ROR1: variants seen among roughly 807,000 people sequenced by gnomAD.
ROR1 encodes the protein inactive tyrosine-protein kinase transmembrane receptor ROR1.
ROR1 carries 19 observed loss-of-function variants against 78.8 expected under a neutral mutation model. The observed-to-expected ratio is 0.24, with a 90% confidence interval of 0.17 to 0.35. The LOEUF (loss-of-function observed/expected upper bound fraction) is 0.35. Ranked by LOEUF, ROR1 falls within the 10% of genes least tolerant of loss-of-function variation. ROR1 has a pLI of 1.00. For synonymous variants in ROR1, 386 were observed against 433.6 expected, an observed-to-expected ratio of 0.89 and a Z score of 1.36; for missense variants, 917 against 1,177.8, an observed-to-expected ratio of 0.78 and a Z score of 3.24.
At chr1:64,165,911 T>C (rs1650073702) in intron 8 of ROR1, among the ~76,000 whole-genome samples, 2 of 151,976 alleles carry the variant, frequency 1.3e-5, no homozygotes, top group Non-Finnish European at 2.9e-5. Context: ...TTGCCATATT[T>C]CCCAGGCTGG....
At chr1:64,069,601 A>G (rs1021902511) in intron 4 of ROR1, among the ~76,000 whole-genome samples, 1 of 152,126 alleles carries the variant, frequency 6.6e-6, no homozygotes, top group African/African-American at 2.4e-5. Flanking sequence ...TAAATTGCAA[A>G]AAGAAACACC....
intron 1 of ROR1, among the ~76,000 whole-genome samples, chr1:63,948,869 G>C (rs565248627): frequency 2.1e-4 from 32 of 152,274 alleles, no homozygotes; most frequent in Non-Finnish European, 4.0e-4. Flanking sequence ...CTGGTGCCTT[G>C]ATCTTAGACT....
At chr1:64,170,939 G>A (rs1386146441) in intron 8 of ROR1, among the ~76,000 whole-genome samples, 1 of 152,132 alleles carries the variant, frequency 6.6e-6, no homozygotes, top group Admixed American at 6.5e-5. Context: ...GGATTTCATT[G>A]TCCTTATCAT....
intron 4 of ROR1, among the ~76,000 whole-genome samples, chr1:64,120,423 T>G (rs538191044): frequency 6.6e-5 from 10 of 152,354 alleles, no homozygotes; most frequent in Admixed American, 2.6e-4. Context: ...GTAATTTTAA[T>G]AAGCTATTTT....
At chr1:64,159,417 G>T (rs777206089) in intron 8 of ROR1, among the ~76,000 whole-genome samples, 16 of 152,086 alleles carry the variant, frequency 1.1e-4, no homozygotes, top group Non-Finnish European at 2.1e-4. Context: ...TCACTGCCTT[G>T]CCATAGAGTC....
chr1:64,171,589 G>A (rs903156280), intron 8 of ROR1, among the ~76,000 whole-genome samples: 21 of 152,344 alleles, frequency 1.4e-4, no homozygotes, highest in Admixed American at 1.3e-3. Flanking sequence ...GCAGCAGTCA[G>A]TCTTGGGACA....
intron 4 of ROR1, among the ~76,000 whole-genome samples, chr1:64,123,944 AT>A (rs1648628560): frequency 6.6e-6 from 1 of 152,194 alleles, no homozygotes; most frequent in Non-Finnish European, 1.5e-5. Flanking sequence ...TTATCTCAAC[AT>A]TTTTATAAAT....
intron 2 of ROR1, among the ~76,000 whole-genome samples, chr1:64,011,874 G>A (rs1430022873): frequency 2.0e-5 from 3 of 152,166 alleles, no homozygotes; most frequent in Admixed American, 2.0e-4. Flanking sequence ...AGATAAACCA[G>A]GCAAAGGCCC....
intron 1 of ROR1, among the ~76,000 whole-genome samples, chr1:63,860,641 A>G (rs1193725493): frequency 2.7e-5 from 4 of 150,406 alleles, no homozygotes; most frequent in Non-Finnish European, 4.4e-5. Flanking sequence ...TGGTGGCACG[A>G]GCCTGTAATC....
At chr1:63,950,424 G>A (rs574697691) in intron 1 of ROR1, among the ~76,000 whole-genome samples, 15 of 152,268 alleles carry the variant, frequency 9.9e-5, no homozygotes, top group Admixed American at 9.8e-4. Flanking sequence ...GGTGCTGGTG[G>A]GAGTTTAAGT....
chr1:64,128,543 G>A (rs543524677), intron 4 of ROR1, among the ~76,000 whole-genome samples: 78 of 152,224 alleles, frequency 5.1e-4, no homozygotes, highest in Non-Finnish European at 8.4e-4. Flanking sequence ...ACACATTTCA[G>A]ATTGCTAGAG....
chr1:63,789,675 T>C (rs1644713404), intron 1 of ROR1, among the ~76,000 whole-genome samples: 1 of 97,238 alleles, frequency 1.0e-5, no homozygotes, highest in Admixed American at 9.5e-5. Context: ...CTTCCTCTCC[T>C]TTTTTTTTTT....
intron 1 of ROR1, among the ~76,000 whole-genome samples, chr1:63,799,654 T>C (rs1317282728): frequency 6.7e-6 from 1 of 149,890 alleles, no homozygotes; most frequent in Non-Finnish European, 1.5e-5. Flanking sequence ...TTTTTTTTTT[T>C]GTTTTTAAAC....
chr1:64,153,131 T>G (rs2100724022), intron 7 of ROR1, among the ~76,000 whole-genome samples: 1 of 152,270 alleles, frequency 6.6e-6, no homozygotes, highest in South Asian at 2.1e-4. Flanking sequence ...TAGACATTCC[T>G]CCAAAGAAGA....
intron 1 of ROR1, among the ~76,000 whole-genome samples, chr1:63,839,344 T>TCATC (rs1302426984): frequency 2.9e-5 from 4 of 139,878 alleles, no homozygotes; most frequent in African/African-American, 1.1e-4. Flanking sequence ...TGTCTCCATA[T>TCATC]CATCTATCTA....
chr1:63,944,646 A>G (rs1645869882), intron 1 of ROR1, among the ~76,000 whole-genome samples: 1 of 151,814 alleles, frequency 6.6e-6, no homozygotes. Flanking sequence ...AATTCTAATC[A>G]TTTTTCTTCT....
At chr1:63,970,441 T>C (rs1331188556) in intron 1 of ROR1, among the ~76,000 whole-genome samples, 2 of 152,188 alleles carry the variant, frequency 1.3e-5, no homozygotes, top group Admixed American at 6.5e-5. Flanking sequence ...TACACAGTAA[T>C]AATAATAACA....
chr1:63,994,204 T>C (rs1363368935), intron 1 of ROR1, among the ~76,000 whole-genome samples: 1 of 152,224 alleles, frequency 6.6e-6, no homozygotes, highest in East Asian at 1.9e-4. Flanking sequence ...TCCTTGGATT[T>C]TTTTTCTTTC....
At chr1:64,150,395 G>T (rs779392610) in intron 7 of ROR1, among the ~76,000 whole-genome samples, 10 of 152,326 alleles carry the variant, frequency 6.6e-5, no homozygotes, top group Middle Eastern at 3.4e-3. Context: ...GCCTTGACTT[G>T]TCCTATAATC....
Sources: allele counts gnomAD v4.1 joint callset (sites outside exome capture counted in the v4.1 genomes callset), GRCh38; gene constraint gnomAD v4.1.1; transcripts MANE v1.5; gene names NCBI Gene and HGNC (gene_info 2026-07-23, HGNC 2026-07-21).